CNTNAP2: variants seen among roughly 807,000 people sequenced by gnomAD.
CNTNAP2 encodes the protein contactin associated protein 2.
CNTNAP2 carries 98 observed loss-of-function variants against 155.2 expected under a neutral mutation model. The observed-to-expected ratio is 0.63, with a 90% CI of 0.54 to 0.75. CNTNAP2 has a LOEUF of 0.75. CNTNAP2 is among the 30% of genes least tolerant of loss of function. The probability of loss-of-function intolerance (pLI) is 0.00; values close to 1 mark genes in which losing one functional copy is unlikely to be tolerated. For synonymous variants in CNTNAP2, 651 were observed against 631.2 expected (o/e 1.03, Z -0.47); for missense variants, 1,727 against 1,688.1 (o/e 1.02, Z -0.40).
chr7:146,388,126 T>A (rs1184343642), intron 1 of CNTNAP2, among the ~76,000 whole-genome samples: 1 of 151,816 alleles, frequency 6.6e-6, no homozygotes, highest in East Asian at 1.9e-4. Context: ...TATTTTATAT[T>A]TTTTCTTCTC....
rs145469976 is a variant in CNTNAP2 at position 148,376,396 on chromosome 7, T to C, written c.3476-7253T>C. Among the ~76,000 whole-genome samples the C allele has an allele frequency of 2.0e-4, 13 of 66,366 alleles. 6 individuals carry two copies. In the East Asian group the frequency reaches 5.7e-3, roughly 29 times the overall value. The allele number at this position is 66,366 out of a possible 152,430, so 43.5% of individuals were successfully genotyped here. A position where few individuals can be genotyped will look rare whatever the true frequency, so the allele number is the denominator to read the frequency against. ...CAAGCCAGTCATGGTGGTGTGCGCC[T>C]GTAGTCCCAGGTACTTAGGAGGCTA... On this transcript the variant is annotated intron_variant, in intron 21 of 23. Coordinates refer to ENST00000361727, the MANE Select transcript of CNTNAP2 (RefSeq NM_014141.6).
chr7:148,229,520 C>T, intron 19 of CNTNAP2, 126 bp from the exon 20 acceptor site: 1 of 1,300,250 alleles, frequency 7.7e-7, no homozygotes, highest in Non-Finnish European at 1.1e-6. Context: ...AAGACTCCGT[C>T]AAAAAAAAGA....
chr7:147,460,928 G>A (rs73457434), intron 10 of CNTNAP2, among the ~76,000 whole-genome samples: 1,667 of 152,214 alleles, frequency 0.011, 30 homozygotes, highest in Admixed American at 0.04. Context: ...TTGTTTGGCC[G>A]AATACATTGA....
chr7:146,566,986 G>A (rs1445135017), intron 1 of CNTNAP2, among the ~76,000 whole-genome samples: 1 of 151,940 alleles, frequency 6.6e-6, no homozygotes, highest in African/African-American at 2.4e-5. Flanking sequence ...TACTTTCATA[G>A]CAACTGACTA....
At chr7:148,178,020 G>A (rs1794978236) in intron 18 of CNTNAP2, among the ~76,000 whole-genome samples, 1 of 151,928 alleles carries the variant, frequency 6.6e-6, no homozygotes, top group African/African-American at 2.4e-5. Context: ...TGACTACACT[G>A]AAATTTCCAA....
At chr7:148,409,814 G>T (rs1282106504) in intron 23 of CNTNAP2, among the ~76,000 whole-genome samples, 2,888 of 47,382 alleles carry the variant, frequency 0.061, 190 homozygotes, top group African/African-American at 0.081. Context: ...CACTTTGGGA[G>T]GCCGAGGCGG....
At chr7:147,852,127 G>A (rs992460185) in intron 13 of CNTNAP2, among the ~76,000 whole-genome samples, 18 of 152,042 alleles carry the variant, frequency 1.2e-4, no homozygotes, top group African/African-American at 2.9e-4. Flanking sequence ...ACAACCTCAC[G>A]GTCCTCAGGT....
At chr7:147,083,094 T>G (rs1309681934) in intron 4 of CNTNAP2, 1 of 152,050 alleles carries the variant, frequency 6.6e-6, no homozygotes, top group Non-Finnish European at 1.5e-5. Context: ...GGCAAGGAAA[T>G]GGGATTGCCT....
intron 3 of CNTNAP2, among the ~76,000 whole-genome samples, chr7:146,847,350 C>A (rs933242320): frequency 6.6e-6 from 1 of 152,100 alleles, no homozygotes; most frequent in East Asian, 1.9e-4. Flanking sequence ...TGGAATCAGA[C>A]CACCTAGGCA....
intron 11 of CNTNAP2, among the ~76,000 whole-genome samples, chr7:147,540,746 G>A (rs562150449): frequency 5.3e-5 from 8 of 151,992 alleles, no homozygotes; most frequent in African/African-American, 1.7e-4. Context: ...CAAAAGAATC[G>A]CTTGAACCGG....
intron 1 of CNTNAP2, among the ~76,000 whole-genome samples, chr7:146,763,367 A>G (rs1159253540): frequency 2.0e-5 from 3 of 152,160 alleles, no homozygotes; most frequent in Admixed American, 6.5e-5. Flanking sequence ...CTCTAATTTC[A>G]AGGATGCTTA....
At chr7:147,948,673 G>A (rs13225138) in intron 14 of CNTNAP2, among the ~76,000 whole-genome samples, 33,772 of 149,436 alleles carry the variant, frequency 0.23, 5,076 homozygotes, top group East Asian at 0.56. Flanking sequence ...ATATATGTGT[G>A]TGTGTGTATA....
intron 1 of CNTNAP2, among the ~76,000 whole-genome samples, chr7:146,680,478 G>A (rs193209997): frequency 6.5e-4 from 99 of 152,250 alleles, no homozygotes; most frequent in Non-Finnish European, 1.1e-3. Flanking sequence ...GATTACAGCA[G>A]CTGAAGAACT....
chr7:146,247,315 G>A lies in CNTNAP2; in HGVS notation c.97+130342G>A, dbSNP rs140998657. ...AAGAGTAAATTGCTGAGCAGGTGCC[G>A]GAGGGCTAGAGGTGGAACGAAACTG... On this transcript the variant is annotated intron_variant, in intron 1 of 23. Coordinates refer to ENST00000361727, the MANE Select transcript of CNTNAP2 (RefSeq NM_014141.6). Among the ~76,000 whole-genome samples the A allele has an allele frequency of 3.5e-3, 538 of 152,284 alleles. 3 individuals carry two copies. The highest frequency in any genetic ancestry group is 0.012 in the African/African-American group (490 of 41,556).
At chr7:146,930,270 T>TG (rs1796717803) in intron 3 of CNTNAP2, among the ~76,000 whole-genome samples, 2 of 151,886 alleles carry the variant, frequency 1.3e-5, no homozygotes, top group African/African-American at 4.8e-5. Flanking sequence ...CAGAAGAGAG[T>TG]GGGGGCCAAT....
At chr7:147,868,058 G>T (rs1429317357) in intron 13 of CNTNAP2, among the ~76,000 whole-genome samples, 2 of 148,926 alleles carry the variant, frequency 1.3e-5, no homozygotes, top group East Asian at 4.0e-4. Context: ...CGGTTTTTCT[G>T]CTCTGGTTTC....
intron 1 of CNTNAP2, among the ~76,000 whole-genome samples, chr7:146,748,130 TTTC>T (rs1291138107): frequency 7.8e-6 from 1 of 127,774 alleles, no homozygotes; most frequent in Non-Finnish European, 1.6e-5. Flanking sequence ...GGTGTTTTCT[TTTC>T]TTTTCTTTTC....
At chr7:146,389,015 C>A (rs1321593238) in intron 1 of CNTNAP2, among the ~76,000 whole-genome samples, 3 of 152,020 alleles carry the variant, frequency 2.0e-5, no homozygotes, top group African/African-American at 7.2e-5. Context: ...GCTTTCCAAA[C>A]AAATTAATAG....
intron 11 of CNTNAP2, among the ~76,000 whole-genome samples, chr7:147,487,402 A>C (rs1798529041): frequency 6.6e-6 from 1 of 152,218 alleles, no homozygotes; most frequent in Non-Finnish European, 1.5e-5. Context: ...TACCAATCAC[A>C]TCAAAATATT....
Sources: gnomAD v4.1 joint callset for allele counts (sites outside exome capture counted in the v4.1 genomes callset) on GRCh38, gnomAD v4.1.1 for gene constraint, MANE v1.5 for transcripts, NCBI Gene and HGNC (gene_info 2026-07-23, HGNC 2026-07-21) for gene names.